SGCZ: variants seen among roughly 807,000 people sequenced by gnomAD.
SGCZ encodes sarcoglycan zeta.
SGCZ carries 40 observed loss-of-function variants against 41.3 expected under a neutral mutation model. That is an observed-to-expected ratio of 0.97 (90% confidence interval 0.75 to 1.26). The LOEUF is 1.26. SGCZ is among the 50% of genes most tolerant of loss of function. The probability of loss-of-function intolerance (pLI) is 0.00; values close to 1 mark genes in which losing one functional copy is unlikely to be tolerated. For synonymous variants in SGCZ, 206 were observed against 137.5 expected (o/e 1.50, Z -3.49); for missense variants, 552 against 369.8 (o/e 1.49, Z -4.04).
chr8:14,979,990 C>T (rs1053444876), intron 1 of SGCZ, among the ~76,000 whole-genome samples: 8 of 152,062 alleles, frequency 5.3e-5, no homozygotes, highest in Non-Finnish European at 7.3e-5. Flanking sequence ...AAATTATTAC[C>T]TCAAGTATCC....
Position 14,218,137 on chromosome 8 carries a change from A to G in SGCZ, c.424+19455T>C, listed in dbSNP as rs574203742. Among the ~76,000 whole-genome samples, 11 of 152,296 alleles carry G rather than the reference A, an allele frequency of 7.2e-5. 1 individual carries two copies. The highest frequency in any genetic ancestry group is 2.4e-4 in the African/African-American group (10 of 41,562). On this transcript the variant is annotated intron_variant, in intron 4 of 7. Coordinates refer to ENST00000382080, the MANE Select transcript of SGCZ (RefSeq NM_139167.4). ...TCCCCCTAGGCAGTATAATAAGGCA[A>G]AGCATTTAAAATAGTAAGAGATATA...
At chr8:14,262,126 T>C (rs997737333) in intron 3 of SGCZ, among the ~76,000 whole-genome samples, 22 of 152,282 alleles carry the variant, frequency 1.4e-4, no homozygotes, top group Non-Finnish European at 2.4e-4. Context: ...CAAATGACTA[T>C]ATTTACTGAT....
chr8:14,342,451 G>A (rs551084389), intron 2 of SGCZ, among the ~76,000 whole-genome samples: 25 of 152,212 alleles, frequency 1.6e-4, no homozygotes, highest in African/African-American at 5.5e-4. Flanking sequence ...CAGTAGCTGG[G>A]ACTACAGGTG....
intron 2 of SGCZ, among the ~76,000 whole-genome samples, chr8:14,440,969 A>G (rs1170095077): frequency 6.6e-5 from 10 of 152,172 alleles, no homozygotes; most frequent in Non-Finnish European, 2.9e-5. Context: ...TATGAAGGAT[A>G]GGCTTTGAAA....
intron 1 of SGCZ, among the ~76,000 whole-genome samples, chr8:15,145,661 C>T (rs990417807): frequency 6.6e-6 from 1 of 152,050 alleles, no homozygotes; most frequent in Non-Finnish European, 1.5e-5. Context: ...TACTATGTTT[C>T]CGAGGCTGGT....
At chr8:15,218,851 C>T (rs1229569746) in intron 1 of SGCZ, among the ~76,000 whole-genome samples, 1 of 152,170 alleles carries the variant, frequency 6.6e-6, no homozygotes, top group Non-Finnish European at 1.5e-5. Context: ...TCTCATTTTA[C>T]CATTTGAGGG....
intron 1 of SGCZ, among the ~76,000 whole-genome samples, chr8:15,169,032 T>G (rs1215364590): frequency 2.0e-5 from 3 of 152,178 alleles, no homozygotes; most frequent in Non-Finnish European, 2.9e-5. Flanking sequence ...TGATACATGT[T>G]TTCTAATAAT....
chr8:14,627,351 G>A (rs1806495524), intron 1 of SGCZ, among the ~76,000 whole-genome samples: 1 of 152,026 alleles, frequency 6.6e-6, no homozygotes. Flanking sequence ...CGGATCATCA[G>A]CTCCTCAAAT....
At chr8:14,604,371 A>G (rs79903542) in intron 1 of SGCZ, among the ~76,000 whole-genome samples, 2,238 of 152,236 alleles carry the variant, frequency 0.015, 23 homozygotes, top group Middle Eastern at 0.044. Flanking sequence ...TCAATTATTG[A>G]TGTCTGCCAT....
At chr8:14,761,211 A>C (rs934191427) in intron 1 of SGCZ, among the ~76,000 whole-genome samples, 1 of 152,196 alleles carries the variant, frequency 6.6e-6, no homozygotes, top group African/African-American at 2.4e-5. Context: ...ACGAGGATTG[A>C]AAAATTCACA....
intron 1 of SGCZ, among the ~76,000 whole-genome samples, chr8:15,157,143 G>C (rs978951413): frequency 2.0e-5 from 3 of 152,046 alleles, no homozygotes; most frequent in Non-Finnish European, 2.9e-5. Context: ...TACTTGAACA[G>C]CTCTGCTAAG....
intron 1 of SGCZ, among the ~76,000 whole-genome samples, chr8:14,966,769 G>T (rs1801139897): frequency 6.6e-6 from 1 of 151,996 alleles, no homozygotes; most frequent in African/African-American, 2.4e-5. Context: ...GTATAGAAAA[G>T]ATGTGTTATC....
At chr8:14,899,451 C>T (rs1028493865) in intron 1 of SGCZ, among the ~76,000 whole-genome samples, 1 of 152,258 alleles carries the variant, frequency 6.6e-6, no homozygotes, top group South Asian at 2.1e-4. Flanking sequence ...AATAGAAGCA[C>T]AGAATGTGAT....
chr8:14,996,306 C>T (rs560239956), intron 1 of SGCZ, among the ~76,000 whole-genome samples: 1 of 152,296 alleles, frequency 6.6e-6, no homozygotes, highest in African/African-American at 2.4e-5. Context: ...TATTGAAAAG[C>T]ATGTCTCTTT....
chr8:15,098,935 G>A (rs1806494450), intron 1 of SGCZ, among the ~76,000 whole-genome samples: 2 of 152,178 alleles, frequency 1.3e-5, no homozygotes, highest in Non-Finnish European at 2.9e-5. Flanking sequence ...GTGGGTGCCT[G>A]TAATCCCAGC....
intron 2 of SGCZ, among the ~76,000 whole-genome samples, chr8:14,389,509 G>A (rs908271124): frequency 1.3e-5 from 2 of 150,224 alleles, no homozygotes; most frequent in Admixed American, 6.6e-5. Context: ...CAAAAGTCAT[G>A]ATAATCACAA....
chr8:14,268,851 G>A (rs566970248), intron 3 of SGCZ, among the ~76,000 whole-genome samples: 6 of 151,642 alleles, frequency 4.0e-5, no homozygotes, highest in South Asian at 2.1e-4. Flanking sequence ...TGTTAAAAAC[G>A]TATTAGAATG....
chr8:15,163,696 C>T (rs1799576569), intron 1 of SGCZ, among the ~76,000 whole-genome samples: 1 of 152,274 alleles, frequency 6.6e-6, no homozygotes, highest in Non-Finnish European at 1.5e-5. Flanking sequence ...TACTTTTGTA[C>T]TATTGATCTG....
chr8:14,602,988 A>AG (rs1298246688), intron 1 of SGCZ, among the ~76,000 whole-genome samples: 1 of 152,092 alleles, frequency 6.6e-6, no homozygotes, highest in East Asian at 1.9e-4. Flanking sequence ...TAGAATCAGC[A>AG]GGGAAAAAAA....
Sources: allele counts gnomAD v4.1 joint callset (sites outside exome capture counted in the v4.1 genomes callset), GRCh38; gene constraint gnomAD v4.1.1; transcripts MANE v1.5; gene names NCBI Gene and HGNC (gene_info 2026-07-23, HGNC 2026-07-21).